Variants in DMXL2 observed in about 807,000 individuals in gnomAD.
The protein encoded by DMXL2 is Dmx like 2, also known as dmX-like protein 2.
DMXL2 carries 103 observed loss-of-function variants against 331.1 expected under a neutral mutation model. The ratio of observed to expected loss-of-function variants is 0.31; its 90% CI spans 0.27 to 0.37. The LOEUF (loss-of-function observed/expected upper bound fraction) is 0.37. DMXL2 is among the 10% of genes least tolerant of loss of function. DMXL2 has a pLI of 1.00. For synonymous variants in DMXL2, 1,281 were observed against 1,252.1 expected, an observed-to-expected ratio of 1.02 and a Z score of -0.49; for missense variants, 3,171 against 3,642.9, an observed-to-expected ratio of 0.87 and a Z score of 3.33.
At chr15:51,537,949 T>G (rs998222804) in intron 10 of DMXL2, among the ~76,000 whole-genome samples, 190 bp from the exon 11 acceptor site, 1 of 152,230 alleles carries the variant, frequency 6.6e-6, no homozygotes, top group Non-Finnish European at 1.5e-5. Flanking sequence ...AATTAAAACT[T>G]CATTCACCCT....
intron 18 of DMXL2, among the ~76,000 whole-genome samples, chr15:51,496,761 A>G (rs1286794224): frequency 1.3e-5 from 2 of 152,232 alleles, no homozygotes; most frequent in African/African-American, 4.8e-5. Context: ...GCATTTGCCA[A>G]TGAACTGGAT....
In DMXL2 at chr15:51,500,623, A is replaced by G. The variant is rs555402042; in HGVS notation, c.2993-392T>C. On this transcript the variant is annotated intron_variant, in intron 17 of 43. Transcript: ENST00000560891. ...TCATACTATATATTTAATCATTTTC[A>G]TCATGAATACTTAACTGAGCTTTAC... 2.0e-5 allele frequency among the ~76,000 whole-genome samples: 3 copies of G among 152,328 alleles called. No individual in the cohort carries two copies. The South Asian group carries it at 6.2e-4, about 32-fold the overall frequency.
rs144335202 is a variant in DMXL2, at chr15:51,536,846, C to G, written c.1634G>C (p.Arg545Pro). ...FRQVQVSFSSRIPVAFPSGDA... is the reference protein window; with the variant it reads ...FRQVQVSFSSPIPVAFPSGDA... ...ACCAGAGGGAAATGCAACAGGAATC[C>G]GAGAAGAAAAAGAAACCTGAAAAAC... The change falls in exon 12 of 44, where the codon CGG (arginine) becomes CCG (proline). Residue 545 changes from arginine (R) to proline (P), a missense_variant. Coordinates refer to ENST00000560891, the MANE Select transcript of DMXL2 (RefSeq NM_001378457.1). 1 of 1,597,728 alleles carries G rather than the reference C, an allele frequency of 6.3e-7. No individual in the cohort carries two copies. Among genetic ancestry groups the G allele is most frequent in the East Asian group, 2.2e-5 (1 of 44,778 alleles).
At chr15:51,552,002 G>T (rs1057234367) in intron 6 of DMXL2, among the ~76,000 whole-genome samples, 4 of 152,204 alleles carry the variant, frequency 2.6e-5, no homozygotes, top group African/African-American at 9.7e-5. Context: ...ATACATAAAA[G>T]ACGACCAGGT....
At chr15:51,610,886 C>T (rs1471420726) in intron 1 of DMXL2, among the ~76,000 whole-genome samples, 1 of 152,042 alleles carries the variant, frequency 6.6e-6, no homozygotes, top group Non-Finnish European at 1.5e-5. Context: ...AATTAGTAAG[C>T]ATATTTGTAA....
In DMXL2 at chr15:51,459,582, G is replaced by C; in HGVS notation, c.7989+16C>G. On this transcript the variant is annotated intron_variant, in intron 34 of 43. Coordinates refer to ENST00000560891, the MANE Select transcript of DMXL2 (RefSeq NM_001378457.1). ...ACTTTAAAGAATGAGCTAAATACAA[G>C]ATCTTGGAATACTACCTTGATGTGG... 1 of 1,289,606 alleles carries C rather than the reference G, an allele frequency of 7.8e-7. No homozygotes were observed. The highest frequency in any genetic ancestry group is 1.0e-6 in the Non-Finnish European group (1 of 988,698). 79.9% of individuals were successfully genotyped at this position (1,289,606 alleles called of 1,614,324 possible). A position where few individuals can be genotyped will look rare whatever the true frequency, so the allele number is the denominator to read the frequency against.
chr15:51,566,361 A>G (rs115853704), intron 3 of DMXL2, among the ~76,000 whole-genome samples: 2,880 of 152,114 alleles, frequency 0.019, 91 homozygotes, highest in African/African-American at 0.065. Flanking sequence ...AAACCCTACC[A>G]CTGCTGACCA....
rs926194933 is a variant in DMXL2, at chr15:51,448,833, A to G, written c.*151T>C. ...AGGTACATGCGCATTCATTCCACCA[A>G]CCTGTTTAGATAATACTCAGCTTGG... On this transcript the variant is annotated 3_prime_UTR_variant, in exon 44 of 44. Transcript: ENST00000560891. The G allele has an allele frequency of 1.5e-5, 11 of 753,604 alleles. No homozygotes were observed. Among genetic ancestry groups the G allele is most frequent in the Non-Finnish European group, 2.1e-5 (10 of 469,216 alleles). 46.7% of individuals were successfully genotyped at this position (753,604 alleles called of 1,614,324 possible).
At chr15:51,452,679 T>C (rs1038387919) in intron 41 of DMXL2, among the ~76,000 whole-genome samples, 7 of 152,130 alleles carry the variant, frequency 4.6e-5, no homozygotes, top group African/African-American at 1.7e-4. Flanking sequence ...AAAAACAGTA[T>C]ACGGAGATTC....
chr15:51,576,609 G>C (rs952575385), intron 1 of DMXL2, among the ~76,000 whole-genome samples: 1 of 152,122 alleles, frequency 6.6e-6, no homozygotes, highest in African/African-American at 2.4e-5. Context: ...TAGAAATCAG[G>C]CATGCATTTT....
At chr15:51,609,516 C>G (rs911772071) in intron 1 of DMXL2, among the ~76,000 whole-genome samples, 7 of 152,186 alleles carry the variant, frequency 4.6e-5, no homozygotes, top group Non-Finnish European at 8.8e-5. Flanking sequence ...TGTTTAGATA[C>G]ACAAATACCA....
chr15:51,534,510 T>G (rs1484380856), intron 13 of DMXL2, among the ~76,000 whole-genome samples: 2 of 152,210 alleles, frequency 1.3e-5, no homozygotes, highest in Non-Finnish European at 2.9e-5. Flanking sequence ...GAGCTGCATT[T>G]AGAGTTGAGT....
chr15:51,612,976 A>G (rs1821077435), intron 1 of DMXL2, among the ~76,000 whole-genome samples: 1 of 152,194 alleles, frequency 6.6e-6, no homozygotes, highest in Non-Finnish European at 1.5e-5. Context: ...GAATTCAGCG[A>G]TATTTCTCCT....
intron 6 of DMXL2, among the ~76,000 whole-genome samples, chr15:51,556,297 C>T (rs536225058): frequency 7.7e-5 from 11 of 142,710 alleles, no homozygotes; most frequent in African/African-American, 2.9e-4. Flanking sequence ...GAGCCGAGAT[C>T]GCGCCACTGC....
intron 1 of DMXL2, among the ~76,000 whole-genome samples, chr15:51,583,239 T>C (rs1168805812): frequency 9.7e-6 from 1 of 103,462 alleles, no homozygotes; most frequent in African/African-American, 3.8e-5. Context: ...ATGTGTCATC[T>C]AGCATTAGGT....
chr15:51,547,450 C>T (rs868102331), intron 6 of DMXL2, 42 bp from the exon 7 acceptor site: 1 of 1,390,746 alleles, frequency 7.2e-7, no homozygotes, highest in African/African-American at 1.5e-5. Context: ...TTTGTACATA[C>T]ACAATTCAAA....
chr15:51,466,955 T>C (rs11857716), intron 29 of DMXL2, among the ~76,000 whole-genome samples: 29,963 of 151,774 alleles, frequency 0.2, 3,374 homozygotes, highest in Non-Finnish European at 0.26. Flanking sequence ...TCTAGATTGA[T>C]GCAAAAATAT....
At chr15:51,470,084 G>A (rs1477842222) in intron 29 of DMXL2, among the ~76,000 whole-genome samples, 2 of 152,178 alleles carry the variant, frequency 1.3e-5, no homozygotes, top group African/African-American at 4.8e-5. Flanking sequence ...AAGTTCCCAA[G>A]GAATGCCGAT....
intron 43 of DMXL2, 65 bp downstream of exon 43, chr15:51,450,064 G>GGAGT (rs891652468): frequency 7.1e-7 from 1 of 1,400,166 alleles, no homozygotes; most frequent in African/African-American, 1.4e-5. Context: ...CAAAGAATGT[G>GGAGT]GAGTTTTTGT....
Sources: allele counts gnomAD v4.1 joint callset (sites outside exome capture counted in the v4.1 genomes callset), GRCh38; gene constraint gnomAD v4.1.1; transcripts MANE v1.5; gene names NCBI Gene and HGNC (gene_info 2026-07-23, HGNC 2026-07-21).